The following AGBL1 variants were observed in gnomAD, a reference collection of about 807,000 sequenced individuals.
The protein encoded by AGBL1 is AGBL carboxypeptidase 1, also known as cytosolic carboxypeptidase 4.
Under a neutral mutation model 118.9 loss-of-function variants are expected in AGBL1, and 130 were observed. The ratio of observed to expected loss-of-function variants is 1.09; its 90% confidence interval spans 0.95 to 1.26. The LOEUF (loss-of-function observed/expected upper bound fraction) is 1.26, where lower values mean the gene tolerates loss of function less well. AGBL1 is among the 50% of genes most tolerant of loss of function. The pLI, the probability that AGBL1 is intolerant of heterozygous loss-of-function variation, is 0.00. For synonymous variants in AGBL1, 555 were observed against 478.9 expected (o/e 1.16, Z -2.08); for missense variants, 1,584 against 1,298.1 (o/e 1.22, Z -3.38).
At chr15:86,376,631 G>C (rs1431256961) in intron 17 of AGBL1, among the ~76,000 whole-genome samples, 3 of 152,216 alleles carry the variant, frequency 2.0e-5, no homozygotes, top group African/African-American at 2.4e-5. Flanking sequence ...ATTGCATACT[G>C]CCTATGTGGC....
chr15:86,910,650 A>C lies in AGBL1; in HGVS notation c.*3356A>C, dbSNP rs1596622824. On this transcript the variant is annotated 3_prime_UTR_variant, in exon 23 of 23. Transcript: ENST00000614907. ...AAGATAATAAGTGCAGTTTGGGGACATGTTAAATGTTGGTGGCCTACATGA... is the reference window on the plus strand; with the variant it reads ...AAGATAATAAGTGCAGTTTGGGGACCTGTTAAATGTTGGTGGCCTACATGA... The C allele has an allele frequency of 1.3e-5, 2 of 152,232 alleles. No individual in the cohort carries two copies. Among genetic ancestry groups the C allele is most frequent in the East Asian group, 3.9e-4 (2 of 5,184 alleles). The allele number at this position is 152,232 out of a possible 1,614,324, so 9.4% of individuals were successfully genotyped here.
intron 17 of AGBL1, among the ~76,000 whole-genome samples, chr15:86,336,864 C>G (rs144885755): frequency 6.6e-6 from 1 of 152,344 alleles, no homozygotes; most frequent in Non-Finnish European, 1.5e-5. Context: ...TATGATGACA[C>G]ATGATCTTTG....
downstream of AGBL1, among the ~76,000 whole-genome samples, chr15:86,918,155 TAATC>T (rs2080447645): frequency 1.3e-5 from 2 of 152,334 alleles, no homozygotes; most frequent in Non-Finnish European, 2.9e-5. Context: ...GTAATGATAA[TAATC>T]AACTTACCAT....
At chr15:86,608,132 C>A (rs780804549) in intron 21 of AGBL1, among the ~76,000 whole-genome samples, 5 of 152,116 alleles carry the variant, frequency 3.3e-5, no homozygotes, top group Non-Finnish European at 4.4e-5. Context: ...ATTTTATAAT[C>A]CTGCTAGTAT....
chr15:86,860,435 C>CAT (rs567264976), intron 22 of AGBL1, among the ~76,000 whole-genome samples: 8 of 149,830 alleles, frequency 5.3e-5, no homozygotes, highest in East Asian at 1.9e-4. Context: ...TATATAATTT[C>CAT]ATATATATAT....
rs572179795 is a variant in AGBL1 at position 86,209,756 on chromosome 15, G to C, written c.489-15158G>C. ...TGAATACAGCACATTGATAGGTCTTGACTCTTTATCCAATTTGCCAGTCTG... is the reference window on the plus strand; with the variant it reads ...TGAATACAGCACATTGATAGGTCTTCACTCTTTATCCAATTTGCCAGTCTG... On this transcript the variant is annotated intron_variant, in intron 5 of 22. Coordinates refer to ENST00000614907, the MANE Select transcript of AGBL1 (RefSeq NM_001386094.1). Among the ~76,000 whole-genome samples the C allele has an allele frequency of 4.1e-3, 625 of 152,168 alleles. 7 individuals carry two copies. Among genetic ancestry groups the C allele is most frequent in the African/African-American group, 0.014 (590 of 41,496 alleles).
At chr15:86,820,565 A>C (rs2078926555) in intron 22 of AGBL1, among the ~76,000 whole-genome samples, 1 of 152,226 alleles carries the variant, frequency 6.6e-6, no homozygotes, top group South Asian at 2.1e-4. Context: ...TGCGGCCAAG[A>C]AACATATGAA....
At chr15:86,639,471 G>A (rs964794220) in intron 21 of AGBL1, among the ~76,000 whole-genome samples, 13 of 152,284 alleles carry the variant, frequency 8.5e-5, no homozygotes, top group African/African-American at 3.1e-4. Context: ...GATTTCAGTG[G>A]ACTCAAATTA....
At position 86,432,946 on chromosome 15, in the gene AGBL1, C is replaced by T. The variant is rs560860448; in HGVS notation, c.2555+35400C>T. ...TGTCTCCCTCAGGGTTCTGGCAGGG[C>T]CTGGCTGCAGGGCTGCTAGGGGCCA... On this transcript the variant is annotated intron_variant, in intron 18 of 22. Transcript: ENST00000614907. Among the ~76,000 whole-genome samples the T allele has an allele frequency of 3.3e-5, 5 of 152,294 alleles. No homozygotes were observed. The South Asian group carries it at 8.3e-4, about 25-fold the overall frequency.
intron 6 of AGBL1, among the ~76,000 whole-genome samples, chr15:86,238,937 C>T (rs1486015712): frequency 5.3e-5 from 8 of 152,114 alleles, no homozygotes; most frequent in African/African-American, 1.9e-4. Context: ...TACAGGCATG[C>T]CCCTTTCTCT....
At chr15:86,270,096 C>G in intron 14 of AGBL1, 29 bp downstream of exon 14, 1 of 1,592,610 alleles carries the variant, frequency 6.3e-7, no homozygotes, top group Non-Finnish European at 8.6e-7. Flanking sequence ...CAGGGGCTTT[C>G]TGGAACATGC....
intron 18 of AGBL1, among the ~76,000 whole-genome samples, chr15:86,512,814 G>A (rs1258970968): frequency 6.6e-6 from 1 of 151,336 alleles, no homozygotes; most frequent in Non-Finnish European, 1.5e-5. Context: ...ATTCATGTTT[G>A]TGTTCTTTCT....
At chr15:86,785,557 G>T (rs1596478830) in intron 22 of AGBL1, among the ~76,000 whole-genome samples, 1 of 151,620 alleles carries the variant, frequency 6.6e-6, no homozygotes, top group South Asian at 2.1e-4. Flanking sequence ...TAGTAGAGAC[G>T]GGGTTTCACC....
chr15:86,827,346 T>TACAC (rs1250302669), intron 22 of AGBL1, among the ~76,000 whole-genome samples: 5 of 7,834 alleles, frequency 6.4e-4, no homozygotes, highest in Non-Finnish European at 7.2e-4. Context: ...TATGTGTATA[T>TACAC]ATATATATAT....
chr15:86,202,348 G>A (rs1287156148), intron 5 of AGBL1, among the ~76,000 whole-genome samples: 1 of 152,118 alleles, frequency 6.6e-6, no homozygotes, highest in Non-Finnish European at 1.5e-5. Flanking sequence ...AAGGGGCTCT[G>A]TCATATGACC....
chr15:86,302,778 CAAA>C lies in AGBL1; in HGVS notation c.2374+7389_2374+7391del, dbSNP rs11345100. Among the ~76,000 whole-genome samples, 506 of 95,918 alleles carry C rather than the reference CAAA, an allele frequency of 5.3e-3. 3 individuals are homozygous for C. The highest frequency in any genetic ancestry group is 0.019 in the African/African-American group (467 of 24,442). 62.9% of individuals were successfully genotyped at this position (95,918 alleles called of 152,430 possible). On this transcript the variant is annotated intron_variant, in intron 17 of 22. Transcript: ENST00000614907. ...TGGATGACAGAGTGGGACCCTGTCT[CAAA>C]AAAAAAAAAAAAAAAAAAGTAAATA... is the stretch of plus-strand genomic sequence containing the variant.
intron 23 of AGBL1, among the ~76,000 whole-genome samples, chr15:86,987,825 T>A (rs986042570): frequency 3.9e-5 from 6 of 152,214 alleles, no homozygotes; most frequent in Non-Finnish European, 8.8e-5. Context: ...TATAAATATT[T>A]GTATGTTTCT....
chr15:86,156,047 G>A (rs373982918), intron 4 of AGBL1, among the ~76,000 whole-genome samples: 77 of 151,956 alleles, frequency 5.1e-4, no homozygotes, highest in African/African-American at 1.6e-3. Context: ...TCAGCCTCCC[G>A]AGTAGCTGGG....
chr15:86,726,424 C>T (rs1178116243), intron 22 of AGBL1, among the ~76,000 whole-genome samples: 1 of 152,154 alleles, frequency 6.6e-6, no homozygotes, highest in African/African-American at 2.4e-5. Flanking sequence ...TGTGTGAACT[C>T]ACTCTGTGAG....
Sources: allele counts gnomAD v4.1 joint callset (sites outside exome capture counted in the v4.1 genomes callset), GRCh38; gene constraint gnomAD v4.1.1; transcripts MANE v1.5; gene names NCBI Gene and HGNC (gene_info 2026-07-23, HGNC 2026-07-21).